The following WNT2B variants were observed in gnomAD, a reference collection of about 807,000 sequenced individuals.
WNT2B encodes the protein protein Wnt-2b.
In WNT2B, 19 loss-of-function variants were observed where a neutral mutation model predicts 40.5. That is an observed-to-expected ratio of 0.47 (90% CI 0.33 to 0.69). The LOEUF (loss-of-function observed/expected upper bound fraction) is 0.69. WNT2B is among the 30% of genes least tolerant of loss of function. WNT2B has a pLI of 0.02. For missense variants in WNT2B, 467 were observed against 556.4 expected (o/e 0.84, Z 1.62); for synonymous variants, 220 against 211.9 (o/e 1.04, Z -0.33).
intron 1 of WNT2B, among the ~76,000 whole-genome samples, chr1:112,475,086 C>G (rs913645591): frequency 5.3e-5 from 8 of 152,176 alleles, no homozygotes; most frequent in African/African-American, 1.9e-4. Context: ...ATTACCCAGT[C>G]TCAGGTACTT....
At chr1:112,504,879 G>T (rs1652065324), upstream of WNT2B, among the ~76,000 whole-genome samples, 1 of 152,088 alleles carries the variant, frequency 6.6e-6, no homozygotes, top group Admixed American at 6.5e-5. Context: ...GCCCAGGGAA[G>T]GGGAGCCTTC....
intron 1 of WNT2B, among the ~76,000 whole-genome samples, chr1:112,482,954 G>A (rs185461304): frequency 1.1e-3 from 174 of 152,238 alleles, no homozygotes; most frequent in African/African-American, 4.0e-3. Flanking sequence ...AAATTCACAT[G>A]GGATGACAAA....
intron 1 of WNT2B, among the ~76,000 whole-genome samples, chr1:112,488,933 TC>T (rs1651508607): frequency 6.6e-6 from 1 of 152,076 alleles, no homozygotes; most frequent in Non-Finnish European, 1.5e-5. Flanking sequence ...TAAGCAATCC[TC>T]CCACCTAGGC....
Position 112,508,969 on chromosome 1 carries a change from A to C in WNT2B, c.-294A>C. On this transcript the variant is annotated 5_prime_UTR_variant, in exon 1 of 5. Transcript: ENST00000369684. This position sits in a 1 kb window ranked among gnomAD's most constrained non-coding sequence, Gnocchi z 4.2. ...CCGCGGCCGAAGGGGCTGTCCGCAC[A>C]CTAGGCCCGCAGCTCCCTTCAGCGC... The C allele has an allele frequency of 1.6e-6, 2 of 1,247,282 alleles. No individual in the cohort carries two copies. The highest frequency in any genetic ancestry group is 2.0e-6 in the Non-Finnish European group (2 of 997,174). 77.3% of individuals were successfully genotyped at this position (1,247,282 alleles called of 1,614,324 possible).
chr1:112,511,684 C>T lies in WNT2B; in HGVS notation c.182+2240C>T, dbSNP rs906694174. ...AACAGACCAAGAAATAGGGAGCTTC[C>T]GGCATGTGCTTTCCTGTTTCATTTT... On this transcript the variant is annotated intron_variant, in intron 1 of 4. Coordinates refer to ENST00000369684, the MANE Select transcript of WNT2B (RefSeq NM_024494.3). 5.9e-5 allele frequency among the ~76,000 whole-genome samples: 9 copies of T among 152,266 alleles called. No individual in the cohort carries two copies. The South Asian group carries it at 6.2e-4, about 11-fold the overall frequency.
intron 3 of WNT2B, among the ~76,000 whole-genome samples, chr1:112,516,745 C>A (rs1463628518): frequency 6.6e-6 from 1 of 152,212 alleles, no homozygotes; most frequent in African/African-American, 2.4e-5. Flanking sequence ...TGAACATCTT[C>A]TATGTGCCTA....
chr1:112,484,275 A>ATAT (rs1368162179), intron 1 of WNT2B, among the ~76,000 whole-genome samples: 11 of 125,306 alleles, frequency 8.8e-5, no homozygotes, highest in Non-Finnish European at 4.7e-5. Flanking sequence ...ATATACACAT[A>ATAT]TATATATATA....
intron 1 of WNT2B, among the ~76,000 whole-genome samples, chr1:112,497,458 A>C (rs1325108789): frequency 6.6e-6 from 1 of 152,228 alleles, no homozygotes; most frequent in Admixed American, 6.5e-5. Flanking sequence ...ACCTAGACCC[A>C]CATAGCAAAG....
rs570788785 is a variant in WNT2B, at chr1:112,515,454, C to T, written c.403+360C>T. Among the ~76,000 whole-genome samples, 1 of 152,130 alleles carries T rather than the reference C, an allele frequency of 6.6e-6. No individual in the cohort carries two copies. The highest frequency in any genetic ancestry group is 1.5e-5 in the Non-Finnish European group (1 of 68,040). On this transcript the variant is annotated intron_variant, in intron 2 of 4. Transcript: ENST00000369684. The surrounding 1 kb of genome is among the most constrained non-coding windows in gnomAD (Gnocchi z 4.4). ...CTGTTCTTAACACCACCATCACTATCGTCACCCCAACACTCCCAACACTAC... is the reference window on the plus strand; with the variant it reads ...CTGTTCTTAACACCACCATCACTATTGTCACCCCAACACTCCCAACACTAC...
intron 1 of WNT2B, among the ~76,000 whole-genome samples, chr1:112,492,208 A>T (rs1376753081): frequency 6.6e-6 from 1 of 152,264 alleles, no homozygotes; most frequent in Non-Finnish European, 1.5e-5. Flanking sequence ...CTTGCAAGTC[A>T]TCGCCCCAGC....
At position 112,521,786 on chromosome 1, in the gene WNT2B, G is replaced by A. The variant is rs1652895961; in HGVS notation, c.*1277G>A. ...CAGAGATAGCAGGCTTAGTAAGCTG[G>A]AGGTAGGACATGAAGTCCCCCAAAA... is the stretch of plus-strand genomic sequence containing the variant. On this transcript the variant is annotated 3_prime_UTR_variant, in exon 5 of 5. Coordinates refer to ENST00000369684, the MANE Select transcript of WNT2B (RefSeq NM_024494.3). 6.6e-6 allele frequency: 1 copy of A among 152,192 alleles called. No individual in the cohort carries two copies. Among genetic ancestry groups the A allele is most frequent in the South Asian group, 2.1e-4 (1 of 4,822 alleles). 9.4% of individuals were successfully genotyped at this position (152,192 alleles called of 1,614,324 possible). A position where few individuals can be genotyped will look rare whatever the true frequency, so the allele number is the denominator to read the frequency against.
intron 1 of WNT2B, among the ~76,000 whole-genome samples, chr1:112,479,740 C>G (rs965147487): frequency 5.3e-5 from 8 of 151,866 alleles, no homozygotes; most frequent in Non-Finnish European, 1.0e-4. Context: ...GAGACGGGGT[C>G]TCGCTCTGTC....
chr1:112,519,872 C>CTTCTTTTTTTTTTT lies in WNT2B; in HGVS notation c.947-406_947-405insCTTTTTTTTTTTTT, dbSNP rs10634267. Among the ~76,000 whole-genome samples the CTTCTTTTTTTTTTT allele has an allele frequency of 3.3e-4, 38 of 115,620 alleles. 1 individual carries two copies. The highest frequency in any genetic ancestry group is 4.4e-4 in the Non-Finnish European group (25 of 56,236). The allele number at this position is 115,620 out of a possible 152,430, so 75.9% of individuals were successfully genotyped here. The stretch of plus-strand genomic sequence containing the variant: ...CAAGATGATGTCAGAGCCCATGCTT[C>CTTCTTTTTTTTTTT]TTTTTTTTTTTTTTTTTTTTGGAGA... On this transcript the variant is annotated intron_variant, in intron 4 of 4. Transcript: ENST00000369684.
Position 112,509,057 on chromosome 1 carries a change from C to T in WNT2B, c.-206C>T. ...CGCGCCCCAGACCCCGGGTTCGGCACGCCGTCGTCGGCTTCCGGACATCGC... is the reference window on the plus strand; with the variant it reads ...CGCGCCCCAGACCCCGGGTTCGGCATGCCGTCGTCGGCTTCCGGACATCGC... On this transcript the variant is annotated 5_prime_UTR_variant, in exon 1 of 5. In the 5' UTR this introduces an upstream ATG that the reference lacks. Transcript: ENST00000369684. This position sits in a 1 kb window ranked among gnomAD's most constrained non-coding sequence, Gnocchi z 4.2. 1 of 1,355,710 alleles carries T rather than the reference C, an allele frequency of 7.4e-7. No homozygotes were observed. The highest frequency in any genetic ancestry group is 9.4e-7 in the Non-Finnish European group (1 of 1,063,652). 84.0% of individuals were successfully genotyped at this position (1,355,710 alleles called of 1,614,324 possible). A position where few individuals can be genotyped will look rare whatever the true frequency, so the allele number is the denominator to read the frequency against.
At chr1:112,519,872 C>CTTT (rs71081244) in intron 4 of WNT2B, among the ~76,000 whole-genome samples, 34 of 115,626 alleles carry the variant, frequency 2.9e-4, no homozygotes, top group African/African-American at 7.6e-4. Flanking sequence ...GCCCATGCTT[C>CTTT]TTTTTTTTTT....
rs138417444 is a variant in WNT2B at position 112,471,589 on chromosome 1, A to T, written c.-95+3998A>T. On this transcript the variant is annotated intron_variant, in intron 1 of 4. Coordinates refer to the WNT2B transcript ENST00000256640. ...TGAGAGATTTCTGTGGTTTGCCGTC[A>T]CTTCCATGAGTTTATGCTAGCCACG... Among the ~76,000 whole-genome samples, 46 of 152,296 alleles carry T rather than the reference A, an allele frequency of 3.0e-4. 1 individual carries two copies. The East Asian group carries it at 8.1e-3, about 27-fold the overall frequency.
chr1:112,517,372 G>T lies in WNT2B; in HGVS notation c.933G>T (p.Leu311Phe), dbSNP rs749768083. The T allele has an allele frequency of 1.2e-6, 2 of 1,604,802 alleles. No homozygotes were observed. The highest frequency in any genetic ancestry group is 1.7e-5 in the Admixed American group (1 of 59,826). ...ACAACTCTCCAGATTACTGTGTCTT[G>T]GACAAGGCTGCAGGTGAGTAAGGAA... ...YFDNSPDYCV[L>F]DKAAGSLGTA... Residue 311 changes from leucine (L) to phenylalanine (F), a missense_variant, in exon 4 of 5, where the codon TTG (leucine) becomes TTT (phenylalanine). Leu to Phe is a conservative substitution (Grantham distance 22). Transcript: ENST00000369684.
chr1:112,521,310 CCTTTT>C lies in WNT2B; in HGVS notation c.*802_*806del, dbSNP rs1652860442. The C allele has an allele frequency of 9.4e-6, 1 of 106,502 alleles. No individual in the cohort carries two copies. The highest frequency in any genetic ancestry group is 1.1e-4 in the Admixed American group (1 of 9,356). The allele number at this position is 106,502 out of a possible 1,614,324, so 6.6% of individuals were successfully genotyped here. A position where few individuals can be genotyped will look rare whatever the true frequency, so the allele number is the denominator to read the frequency against. ...GTAAGTCTGGCTAGGCCTTGTGTTGCCTTTTTTTTTTTTTTTTTTTTCTTTTCTTT... is the reference window on the plus strand; with the variant it reads ...GTAAGTCTGGCTAGGCCTTGTGTTGCTTTTTTTTTTTTTTTTCTTTTCTTT... On this transcript the variant is annotated 3_prime_UTR_variant, in exon 5 of 5. Coordinates refer to ENST00000369684, the MANE Select transcript of WNT2B (RefSeq NM_024494.3).
exon 1 of WNT2B, chr1:112,467,352 A>T: frequency 1.7e-6 from 1 of 577,244 alleles, no homozygotes. Flanking sequence ...TCATGAGCAC[A>T]GGCACATTTA....
Sources: gnomAD v4.1 joint callset for allele counts (sites outside exome capture counted in the v4.1 genomes callset) on GRCh38, gnomAD v4.1.1 for gene constraint, Gnocchi (gnomAD v3.1) non-coding constraint, MANE v1.5 for transcripts, NCBI Gene and HGNC (gene_info 2026-07-23, HGNC 2026-07-21) for gene names.